The following CMIP variants were observed in gnomAD, a reference collection of about 807,000 sequenced individuals.
The protein encoded by CMIP is c-Maf inducing protein, also known as C-Maf-inducing protein.
In CMIP, 13 loss-of-function variants were observed where a neutral mutation model predicts 97.3. That is an observed-to-expected ratio of 0.13 (90% confidence interval 0.09 to 0.21). The LOEUF (loss-of-function observed/expected upper bound fraction) is 0.21, where lower values mean the gene tolerates loss of function less well. Ranked by LOEUF, CMIP falls within the 10% of genes least tolerant of loss-of-function variation. The probability of loss-of-function intolerance (pLI) is 1.00; values close to 1 mark genes in which losing one functional copy is unlikely to be tolerated. For synonymous variants in CMIP, 538 were observed against 436.3 expected (o/e 1.23, Z -2.91); for missense variants, 847 against 1,024.9 (o/e 0.83, Z 2.37).
chr16:81,646,287 G>A (rs1315874620), intron 3 of CMIP, among the ~76,000 whole-genome samples: 1 of 151,652 alleles, frequency 6.6e-6, no homozygotes, highest in African/African-American at 2.4e-5. Flanking sequence ...TGGGTGGGTG[G>A]TTGGGCAGAT....
intron 1 of CMIP, among the ~76,000 whole-genome samples, chr16:81,473,740 C>T (rs1355167828): frequency 6.6e-6 from 1 of 151,252 alleles, no homozygotes; most frequent in African/African-American, 2.4e-5. Flanking sequence ...ACGCATTGAG[C>T]AGAAGCTGCA....
chr16:81,593,687 C>T (rs1033416086), intron 1 of CMIP, among the ~76,000 whole-genome samples: 7 of 152,206 alleles, frequency 4.6e-5, no homozygotes, highest in African/African-American at 1.4e-4. Flanking sequence ...GCATTGAGCT[C>T]ATTGGCCGCT....
chr16:81,576,669 G>C (rs1241248987), intron 1 of CMIP, among the ~76,000 whole-genome samples: 1 of 152,120 alleles, frequency 6.6e-6, no homozygotes, highest in Admixed American at 6.5e-5. Flanking sequence ...ACCCACTGCT[G>C]TGTACTTGCT....
At chr16:81,677,606 G>T (rs1904404109) in intron 9 of CMIP, among the ~76,000 whole-genome samples, 1 of 152,208 alleles carries the variant, frequency 6.6e-6, no homozygotes, top group South Asian at 2.1e-4. Flanking sequence ...TTTGCCCAGT[G>T]TTTGCCTAAC....
rs1202218378 is a variant in CMIP at position 81,691,838 on chromosome 16, A to G, written c.1452A>G (p.Lys484=). The G allele has an allele frequency of 6.2e-7, 1 of 1,613,532 alleles. No individual in the cohort carries two copies. Among genetic ancestry groups the G allele is most frequent in the Admixed American group, 1.7e-5 (1 of 60,000 alleles). Residue 484 remains lysine (K), a splice_region_variant and synonymous_variant, in exon 11 of 21, where the codon AAA becomes AAG. Transcript: ENST00000537098. ...TGCTTCAACCCATTCCATTCCCCAA[A>G]GAGTAAGTCCCGTGTGCATCCCCGG... ...ASLLQPIPFP[K]EALAHEKFTK... is the part of the protein sequence containing the mutation.
intron 13 of CMIP, among the ~76,000 whole-genome samples, chr16:81,693,868 T>C (rs1906397389): frequency 6.6e-6 from 1 of 152,168 alleles, no homozygotes; most frequent in Admixed American, 6.5e-5. Context: ...AGAGCTGGGT[T>C]TTTATTTCCC....
intron 10 of CMIP, among the ~76,000 whole-genome samples, chr16:81,680,316 C>T (rs181394328): frequency 4.8e-4 from 73 of 152,342 alleles, no homozygotes; most frequent in African/African-American, 1.2e-3. Flanking sequence ...GGACAGAGGG[C>T]AGCTTCTGAG....
intron 3 of CMIP, chr16:81,651,421 A>G (rs2092427525): frequency 2.0e-6 from 2 of 978,032 alleles, no homozygotes; most frequent in Non-Finnish European, 2.4e-6. Flanking sequence ...ACAGCGCCCA[A>G]GCAAAGGTGA....
chr16:81,582,950 C>T (rs1275136744), intron 1 of CMIP, among the ~76,000 whole-genome samples: 6 of 152,144 alleles, frequency 3.9e-5, no homozygotes, highest in Admixed American at 3.3e-4. Flanking sequence ...CTGACGGTGG[C>T]AGTGTGGGGT....
intron 10 of CMIP, among the ~76,000 whole-genome samples, chr16:81,689,936 A>C (rs912932305): frequency 7.9e-5 from 12 of 152,130 alleles, no homozygotes; most frequent in South Asian, 2.1e-4. Flanking sequence ...TCTTGTTTTT[A>C]TCAGGTTTGT....
intron 2 of CMIP, chr16:81,610,370 GC>G: frequency 1.0e-6 from 1 of 985,602 alleles, no homozygotes; most frequent in Non-Finnish European, 1.2e-6. Context: ...CTTGCTCACT[GC>G]CCCCTGATCC....
intron 15 of CMIP, 100 bp from the exon 16 acceptor site, chr16:81,701,560 G>A: frequency 6.5e-7 from 1 of 1,527,068 alleles, no homozygotes. Flanking sequence ...AGGGGATAGT[G>A]GGGTTGCTGG....
intron 14 of CMIP, chr16:81,696,970 G>T: frequency 2.2e-6 from 1 of 454,198 alleles, no homozygotes; most frequent in South Asian, 2.8e-5. Flanking sequence ...GCTAAAGCCT[G>T]GGCCGTTACT....
intron 1 of CMIP, among the ~76,000 whole-genome samples, chr16:81,589,145 G>A (rs1356925878): frequency 6.6e-6 from 1 of 151,330 alleles, no homozygotes; most frequent in East Asian, 1.9e-4. Flanking sequence ...CCAGGCTGCT[G>A]CAGTGCAGTG....
intron 1 of CMIP, among the ~76,000 whole-genome samples, chr16:81,590,134 CCAGCCTGG>C (rs1456592893): frequency 1.3e-5 from 2 of 152,210 alleles, no homozygotes; most frequent in African/African-American, 2.4e-5. Flanking sequence ...GCCCTGTCTG[CCAGCCTGG>C]ACACTTGGCG....
chr16:81,549,506 T>C (rs2090612417), intron 1 of CMIP, among the ~76,000 whole-genome samples: 1 of 151,822 alleles, frequency 6.6e-6, no homozygotes, highest in South Asian at 2.1e-4. Context: ...AACTGTCCCA[T>C]GTAGGGGATT....
intron 1 of CMIP, among the ~76,000 whole-genome samples, chr16:81,471,535 G>T (rs1000159171): frequency 6.9e-6 from 1 of 143,978 alleles, no homozygotes; most frequent in Non-Finnish European, 1.5e-5. Flanking sequence ...ACACATACCA[G>T]TGTACACATA....
At chr16:81,635,893 TG>T (rs745465865) in intron 3 of CMIP, among the ~76,000 whole-genome samples, 108 of 151,042 alleles carry the variant, frequency 7.2e-4, no homozygotes, top group Non-Finnish European at 1.0e-3. Context: ...CTTAGGAAAA[TG>T]GTTTGTGGAC....
intron 2 of CMIP, among the ~76,000 whole-genome samples, chr16:81,611,082 A>T (rs559510940): frequency 6.6e-6 from 1 of 152,220 alleles, no homozygotes; most frequent in Non-Finnish European, 1.5e-5. Flanking sequence ...GCAGCCACGC[A>T]TGGCAGCCCA....
Sources: allele counts gnomAD v4.1 joint callset (sites outside exome capture counted in the v4.1 genomes callset), GRCh38; gene constraint gnomAD v4.1.1; transcripts MANE v1.5; gene names NCBI Gene and HGNC (gene_info 2026-07-23, HGNC 2026-07-21).